DNAI4: variants seen among roughly 807,000 people sequenced by gnomAD.
The protein encoded by DNAI4 is dynein axonemal intermediate chain 4.
Under a neutral mutation model 105.8 loss-of-function variants are expected in DNAI4, and 85 were observed. The ratio of observed to expected loss-of-function variants is 0.80; its 90% CI spans 0.67 to 0.96. The LOEUF is 0.96. DNAI4 is among the 40% of genes least tolerant of loss of function. The probability of loss-of-function intolerance (pLI) is 0.00; values close to 1 mark genes in which losing one functional copy is unlikely to be tolerated. For synonymous variants in DNAI4, 352 were observed against 331.5 expected, an observed-to-expected ratio of 1.06 and a Z score of -0.67; for missense variants, 1,014 against 1,005.6, an observed-to-expected ratio of 1.01 and a Z score of -0.11.
chr1:66,833,531 T>C, intron 13 of DNAI4, 54 bp downstream of exon 13: 1 of 1,596,926 alleles, frequency 6.3e-7, no homozygotes, highest in Non-Finnish European at 8.5e-7. Flanking sequence ...CTTAATACAC[T>C]TCAATTTTTG....
intron 4 of DNAI4, among the ~76,000 whole-genome samples, chr1:66,886,400 T>C (rs574156317): frequency 6.6e-6 from 1 of 152,352 alleles, no homozygotes; most frequent in South Asian, 2.1e-4. Flanking sequence ...AATGACTTTT[T>C]GTTAAAAGCC....
At chr1:66,871,619 C>A in intron 5 of DNAI4, 110 bp from the exon 6 acceptor site, 3 of 1,144,316 alleles carry the variant, frequency 2.6e-6, no homozygotes, top group Non-Finnish European at 3.6e-6. Flanking sequence ...TGGCTTGCAC[C>A]AAAAAGTGAA....
chr1:66,868,433 T>C (rs1646775739), intron 6 of DNAI4, among the ~76,000 whole-genome samples: 1 of 152,162 alleles, frequency 6.6e-6, no homozygotes, highest in Admixed American at 6.5e-5. Flanking sequence ...GAGATTAACA[T>C]TTGAATTGGT....
At chr1:66,871,180 A>G (rs900055410) in intron 6 of DNAI4, 190 bp downstream of exon 6, 5 of 488,058 alleles carry the variant, frequency 1.0e-5, no homozygotes, top group African/African-American at 5.9e-5. Flanking sequence ...ATGTTATTCA[A>G]ATCTATATAT....
At position 66,891,193 on chromosome 1, in the gene DNAI4, C is replaced by A; in HGVS notation, c.604G>T (p.Glu202Ter). 1.2e-6 allele frequency: 2 copies of A among 1,613,826 alleles called. No individual in the cohort carries two copies. The highest frequency in any genetic ancestry group is 1.7e-6 in the Non-Finnish European group (2 of 1,179,888). The change falls in exon 4 of 17, where the codon GAA becomes TAA. Residue 202 changes from glutamate to a stop codon, truncating the protein, a stop_gained. Coordinates refer to ENST00000371026, the MANE Select transcript of DNAI4 (RefSeq NM_024763.5). LOFTEE classifies it high-confidence loss of function. ...AATCTTTCCCGTTTATAGGATGGTT[C>A]TTCCAGGTCTTCTGCTATTGATTCA... ...ASESIAEDLE[E>*]PSYKRERLTS...
rs137958055 is a variant in DNAI4 at position 66,842,685 on chromosome 1, C to T, written c.1292-2014G>A. On this transcript the variant is annotated intron_variant, in intron 8 of 16. Transcript: ENST00000371026. ...GTGCTGGGATTACAGGTGTGAGCTA[C>T]CACACCCAGACAAGAGTATGTTTAG... is the stretch of plus-strand genomic sequence containing the variant. Among the ~76,000 whole-genome samples the T allele has an allele frequency of 1.4e-4, 22 of 152,126 alleles. No homozygotes were observed. In the East Asian group the frequency reaches 3.7e-3, roughly 26 times the overall value.
intron 7 of DNAI4, among the ~76,000 whole-genome samples, chr1:66,856,999 C>CA (rs1255470444): frequency 1.5e-4 from 23 of 151,640 alleles, no homozygotes; most frequent in African/African-American, 5.6e-4. Context: ...ACATCAAAAA[C>CA]AAAACATCAT....
At chr1:66,823,402 A>G (rs1363397828) in intron 15 of DNAI4, among the ~76,000 whole-genome samples, 2 of 152,150 alleles carry the variant, frequency 1.3e-5, no homozygotes, top group Non-Finnish European at 2.9e-5. Context: ...AACATGATTT[A>G]TAGTCCTTTA....
chr1:66,847,768 G>T, intron 7 of DNAI4, 90 bp from the exon 8 acceptor site: 2 of 1,083,000 alleles, frequency 1.8e-6, no homozygotes, highest in Non-Finnish European at 2.6e-6. Flanking sequence ...TTCATCATTT[G>T]TATTTATTTT....
chr1:66,814,000 A>G lies in DNAI4; in HGVS notation c.*130T>C. 1.7e-6 allele frequency: 1 copy of G among 571,480 alleles called. No individual in the cohort carries two copies. Among genetic ancestry groups the G allele is most frequent in the East Asian group, 3.1e-5 (1 of 31,776 alleles). 35.4% of individuals were successfully genotyped at this position (571,480 alleles called of 1,614,324 possible). On this transcript the variant is annotated 3_prime_UTR_variant, in exon 17 of 17. Transcript: ENST00000371026. ...CTGAAATAAAAGTTTATTAAATTTAAATTAAGTGGAAGTTATACATCAAAT... is the reference window on the plus strand; with the variant it reads ...CTGAAATAAAAGTTTATTAAATTTAGATTAAGTGGAAGTTATACATCAAAT...
intron 2 of DNAI4, among the ~76,000 whole-genome samples, chr1:66,895,354 G>A (rs554969826): frequency 2.3e-4 from 35 of 152,210 alleles, no homozygotes; most frequent in South Asian, 1.2e-3. Flanking sequence ...TGTAGCCCAC[G>A]CCACATGGGA....
intron 14 of DNAI4, 91 bp downstream of exon 14, chr1:66,827,721 A>C: frequency 1.6e-6 from 1 of 632,716 alleles, no homozygotes; most frequent in Non-Finnish European, 2.5e-6. Flanking sequence ...TGAAGTTGTA[A>C]ATTTATTGCA....
At chr1:66,860,451 T>C (rs1646601677) in intron 7 of DNAI4, among the ~76,000 whole-genome samples, 1 of 152,142 alleles carries the variant, frequency 6.6e-6, no homozygotes, top group Non-Finnish European at 1.5e-5. Context: ...GATCTGAATT[T>C]CCTTTACATT....
In DNAI4 at chr1:66,892,999, GAGAA is replaced by G. The variant is rs1386535708; in HGVS notation, c.530+226_530+229del. Among the ~76,000 whole-genome samples the G allele has an allele frequency of 2.8e-4, 20 of 70,244 alleles. 3 individuals are homozygous for G. The highest frequency in any genetic ancestry group is 1.0e-3 in the African/African-American group (17 of 16,284). The allele number at this position is 70,244 out of a possible 152,430, so 46.1% of individuals were successfully genotyped here. ...AAAGAAAGAAAGAAAGAAAGAAAGA[GAGAA>G]AGAGAGAGAGGAAAGAAAGAAAGAA... is the stretch of plus-strand genomic sequence containing the variant. On this transcript the variant is annotated intron_variant, in intron 3 of 16. Coordinates refer to ENST00000371026, the MANE Select transcript of DNAI4 (RefSeq NM_024763.5).
In DNAI4 at chr1:66,847,642, A is replaced by G; in HGVS notation, c.1133T>C (p.Val378Ala). 6.2e-7 allele frequency: 1 copy of G among 1,613,098 alleles called. No homozygotes were observed. Among genetic ancestry groups the G allele is most frequent in the South Asian group, 1.1e-5 (1 of 90,894 alleles). ...ETSSLMDIEN[V>A]ILAKIHEDEE... ...ATCTTCATGGATTTTTGCCAGAATT[A>G]CATTTTCTATGTCCATTAGAGAACT... is the stretch of plus-strand genomic sequence containing the variant. Residue 378 changes from valine (V) to alanine (A), a missense_variant, in exon 8 of 17, where the codon GTA becomes GCA. Physicochemically the swap from Val to Ala is moderately conservative, Grantham distance 64. Coordinates refer to ENST00000371026, the MANE Select transcript of DNAI4 (RefSeq NM_024763.5).
At chr1:66,848,461 C>T in intron 7 of DNAI4, 1 of 354,562 alleles carries the variant, frequency 2.8e-6, no homozygotes, top group Non-Finnish European at 5.5e-6. Context: ...TCACAGGTTC[C>T]AGGGATTGGG....
At chr1:66,872,633 T>G (rs928217331) in intron 5 of DNAI4, among the ~76,000 whole-genome samples, 10 of 152,228 alleles carry the variant, frequency 6.6e-5, no homozygotes, top group African/African-American at 2.2e-4. Context: ...ATTGTTCCTC[T>G]GTAGGTGACG....
chr1:66,841,998 G>T (rs1350921448), intron 8 of DNAI4, among the ~76,000 whole-genome samples: 2 of 151,994 alleles, frequency 1.3e-5, no homozygotes, highest in African/African-American at 4.8e-5. Context: ...TCCCTCTCTG[G>T]TCCCTCGTCC....
At chr1:66,850,305 C>A (rs529140574) in intron 7 of DNAI4, among the ~76,000 whole-genome samples, 1 of 151,874 alleles carries the variant, frequency 6.6e-6, no homozygotes, top group Non-Finnish European at 1.5e-5. Context: ...ATGGTCAATG[C>A]AGAATTCTAT....
Sources: allele counts gnomAD v4.1 joint callset (sites outside exome capture counted in the v4.1 genomes callset), GRCh38; gene constraint gnomAD v4.1.1; transcripts MANE v1.5; gene names NCBI Gene and HGNC (gene_info 2026-07-23, HGNC 2026-07-21).